The following LBH variants were observed in gnomAD, a reference collection of about 807,000 sequenced individuals.
LBH encodes the protein protein LBH.
LBH carries 7 observed loss-of-function variants against 12.5 expected under a neutral mutation model. The ratio of observed to expected loss-of-function variants is 0.56; its 90% CI spans 0.32 to 1.05. The LOEUF (loss-of-function observed/expected upper bound fraction) is 1.05, where lower values mean the gene tolerates loss of function less well. Ranked by LOEUF, LBH falls within the 50% of genes least tolerant of loss-of-function variation. The pLI, the probability that LBH is intolerant of heterozygous loss-of-function variation, is 0.04. For synonymous variants in LBH, 51 were observed against 50.1 expected (o/e 1.02, Z -0.08); for missense variants, 119 against 138.9 (o/e 0.86, Z 0.72).
intron 2 of LBH, among the ~76,000 whole-genome samples, chr2:30,247,783 A>C (rs1371054061): frequency 6.6e-6 from 1 of 152,186 alleles, no homozygotes; most frequent in Non-Finnish European, 1.5e-5. Flanking sequence ...CAAGGGCATT[A>C]ATTTTTTTTG....
intron 2 of LBH, among the ~76,000 whole-genome samples, chr2:30,240,103 G>T (rs1161538974): frequency 6.6e-6 from 1 of 152,218 alleles, no homozygotes; most frequent in Non-Finnish European, 1.5e-5. Flanking sequence ...TGAGCCAGGG[G>T]CTGTGTCTTA....
intron 2 of LBH, among the ~76,000 whole-genome samples, chr2:30,238,291 C>T (rs2103556866): frequency 6.6e-6 from 1 of 152,320 alleles, no homozygotes; most frequent in South Asian, 2.1e-4. Context: ...TTTCATCACC[C>T]CAGCTAAGGT....
intron 2 of LBH, among the ~76,000 whole-genome samples, chr2:30,240,363 G>A (rs1041233732): frequency 5.9e-5 from 9 of 152,188 alleles, no homozygotes; most frequent in African/African-American, 2.2e-4. Flanking sequence ...TGTGACTGTA[G>A]CCAAGAGCTA....
At chr2:30,251,715 AATTTTTATTTT>A (rs1043855601) in intron 2 of LBH, among the ~76,000 whole-genome samples, 1 of 151,768 alleles carries the variant, frequency 6.6e-6, no homozygotes, top group Non-Finnish European at 1.5e-5. Context: ...AGGTGGCTAA[AATTTTTATTTT>A]ATTTTTATTA....
At chr2:30,238,154 T>G (rs1329941593) in intron 2 of LBH, among the ~76,000 whole-genome samples, 1 of 152,224 alleles carries the variant, frequency 6.6e-6, no homozygotes, top group African/African-American at 2.4e-5. Flanking sequence ...CGACTTGGCC[T>G]GGGCTCTGTC....
intron 2 of LBH, among the ~76,000 whole-genome samples, chr2:30,238,673 G>A (rs538342756): frequency 6.6e-6 from 1 of 152,292 alleles, no homozygotes; most frequent in East Asian, 1.9e-4. Context: ...GCTTTCTATG[G>A]TAGGGAAGAG....
intron 2 of LBH, among the ~76,000 whole-genome samples, chr2:30,253,075 A>G (rs1208310654): frequency 1.3e-5 from 2 of 152,226 alleles, no homozygotes; most frequent in Admixed American, 1.3e-4. Flanking sequence ...GGCAGGCAGC[A>G]TGCCGGCCTG....
At chr2:30,241,632 G>A (rs1677791967) in intron 2 of LBH, among the ~76,000 whole-genome samples, 1 of 151,660 alleles carries the variant, frequency 6.6e-6, no homozygotes, top group Admixed American at 6.6e-5. Context: ...GCTAATTTTT[G>A]TATTTTTATG....
intron 2 of LBH, among the ~76,000 whole-genome samples, chr2:30,243,004 T>C (rs1341620661): frequency 6.6e-6 from 1 of 152,214 alleles, no homozygotes. Context: ...TATCAAAATA[T>C]AAGCTCCCAG....
At chr2:30,250,808 C>T (rs139792968) in intron 2 of LBH, among the ~76,000 whole-genome samples, 114 of 151,694 alleles carry the variant, frequency 7.5e-4, no homozygotes, top group African/African-American at 2.7e-3. Context: ...CCAGGATTCT[C>T]TGGTCCAACA....
At chr2:30,242,249 C>CTT (rs200609618) in intron 2 of LBH, among the ~76,000 whole-genome samples, 3 of 147,198 alleles carry the variant, frequency 2.0e-5, no homozygotes, top group African/African-American at 7.5e-5. Flanking sequence ...AGGTAATATT[C>CTT]TTTTTTTTTT....
At chr2:30,232,116 G>A (rs1474850450) in intron 1 of LBH, 1 of 1,544,314 alleles carries the variant, frequency 6.5e-7, no homozygotes, top group Non-Finnish European at 8.7e-7. Context: ...TTGGCGCAGG[G>A]GGGCTCCTGC....
chr2:30,249,664 C>T (rs892435902), intron 2 of LBH, among the ~76,000 whole-genome samples: 3 of 152,204 alleles, frequency 2.0e-5, no homozygotes, highest in African/African-American at 7.2e-5. Flanking sequence ...AGAACTCGGC[C>T]TAGGATTTGT....
intron 2 of LBH, among the ~76,000 whole-genome samples, chr2:30,252,142 G>A (rs776131826): frequency 1.3e-5 from 2 of 152,040 alleles, no homozygotes; most frequent in Non-Finnish European, 2.9e-5. Context: ...GAGGGACCTG[G>A]TAGGAGGTAA....
chr2:30,232,247 G>GGGGC, intron 1 of LBH: 1 of 395,050 alleles, frequency 2.5e-6, no homozygotes, highest in African/African-American at 2.2e-5. Context: ...GGGGTGGGGG[G>GGGGC]CGGGAAACGC....
intron 2 of LBH, among the ~76,000 whole-genome samples, chr2:30,248,640 A>G (rs1677918857): frequency 6.6e-6 from 1 of 152,170 alleles, no homozygotes; most frequent in Non-Finnish European, 1.5e-5. Context: ...TCCAGAAGGT[A>G]ATGATGATAC....
intron 2 of LBH, among the ~76,000 whole-genome samples, chr2:30,243,887 AG>A (rs1372527706): frequency 8.5e-5 from 13 of 152,128 alleles, no homozygotes; most frequent in African/African-American, 2.9e-4. Context: ...CCAGTGTCGA[AG>A]GGCCACGTAC....
In LBH at chr2:30,245,188, A is replaced by G. The variant is rs183911177; in HGVS notation, c.129+10681A>G. Among the ~76,000 whole-genome samples the G allele has an allele frequency of 4.7e-3, 712 of 152,364 alleles. 8 individuals carry two copies. Among genetic ancestry groups the G allele is most frequent in the African/African-American group, 0.017 (691 of 41,582 alleles). On this transcript the variant is annotated intron_variant, in intron 2 of 2. Transcript: ENST00000395323. ...TTCTGTGGAGAAGTAGAATGGAAAT[A>G]CAGTTTTACATAGAGAAAGTAAGAA...
intron 2 of LBH, among the ~76,000 whole-genome samples, chr2:30,237,747 G>A (rs747184843): frequency 1.3e-5 from 2 of 152,374 alleles, no homozygotes; most frequent in African/African-American, 2.4e-5. Flanking sequence ...TTGTGAGCCA[G>A]TGCCTTGTTT....
Sources: allele counts gnomAD v4.1 joint callset (sites outside exome capture counted in the v4.1 genomes callset), GRCh38; gene constraint gnomAD v4.1.1; transcripts MANE v1.5; gene names NCBI Gene and HGNC (gene_info 2026-07-23, HGNC 2026-07-21).